Variants in MAST1 observed in about 807,000 individuals in gnomAD.
MAST1 encodes microtubule-associated serine/threonine-protein kinase 1.
A neutral mutation model predicts 124.6 loss-of-function variants in MAST1; 40 were observed. That is an observed-to-expected ratio of 0.32 (90% CI 0.25 to 0.42). The LOEUF (loss-of-function observed/expected upper bound fraction) is 0.42. Ranked by LOEUF, MAST1 falls within the 10% of genes least tolerant of loss-of-function variation. The pLI is 1.00. For missense variants in MAST1, 1,558 were observed against 2,181.9 expected, an observed-to-expected ratio of 0.71 and a Z score of 5.70; for synonymous variants, 938 against 939.4, an observed-to-expected ratio of 1.00 and a Z score of 0.03.
At position 12,847,830 on chromosome 19, in the gene MAST1, C is replaced by T; in HGVS notation, c.565-18C>T. The T allele has an allele frequency of 6.2e-7, 1 of 1,601,128 alleles. No homozygotes were observed. Among genetic ancestry groups the T allele is most frequent in the African/African-American group, 1.3e-5 (1 of 74,784 alleles). The stretch of plus-strand genomic sequence containing the variant: ...CCTTCGGGCACAGCCCCGCGCCCCT[C>T]CTCCGTCCCTCCCGCAGGCCACTGC... On this transcript the variant is annotated intron_variant, in intron 6 of 25. Coordinates refer to ENST00000251472, the MANE Select transcript of MAST1 (RefSeq NM_014975.3). The surrounding 1 kb of genome is among the most constrained non-coding windows in gnomAD (Gnocchi z 5.5).
At chr19:12,861,680 C>CTCTCTCTTTCTTTCTT (rs1970084524) in intron 12 of MAST1, among the ~76,000 whole-genome samples, 2 of 143,450 alleles carry the variant, frequency 1.4e-5, no homozygotes, top group Non-Finnish European at 3.0e-5. Context: ...TTCTTTTTCT[C>CTCTCTCTTTCTTTCTT]TCTTTCTTTC....
chr19:12,851,273 T>C (rs1969956311), intron 7 of MAST1, among the ~76,000 whole-genome samples: 1 of 150,530 alleles, frequency 6.6e-6, no homozygotes, highest in Non-Finnish European at 1.5e-5. Flanking sequence ...TTTTTCTTTT[T>C]TTTTTTTTGA....
chr19:12,852,236 A>T lies in MAST1; in HGVS notation c.998A>T (p.Asp333Val). 1 of 1,613,896 alleles carries T rather than the reference A, an allele frequency of 6.2e-7. No homozygotes were observed. The highest frequency in any genetic ancestry group is 1.1e-5 in the South Asian group (1 of 91,076). ...YIIRQLGLTR[D>V]PFPDVVHLEE... ...ATCCGCCAGCTGGGCCTCACCCGTG[A>T]CCCCTTTCCAGGTGCCGGCTGGTGG... The change falls in exon 9 of 26, where the codon GAC becomes GTC. Residue 333 changes from aspartate (D) to valine (V), a missense_variant. Physicochemically the swap from Asp to Val is radical, Grantham distance 152 (BLOSUM62 -3). Transcript: ENST00000251472.
chr19:12,849,714 C>G (rs1969938831), intron 7 of MAST1, among the ~76,000 whole-genome samples: 1 of 152,140 alleles, frequency 6.6e-6, no homozygotes, highest in Non-Finnish European at 1.5e-5. Context: ...TAGTGGCACA[C>G]ACCTGCTGTC....
At position 12,840,467 on chromosome 19, in the gene MAST1, A is replaced by G; in HGVS notation, c.105A>G (p.Lys35=). ...GCAGCTGCCGCACCAGTAATCGGAA[A>G]AGCCTCATCCTGACCAGCACTTCAC... is the stretch of plus-strand genomic sequence containing the variant. ...RTKSCRTSNR[K]SLILTSTSPT... is the part of the protein sequence containing the mutation. Residue 35 remains lysine, a synonymous_variant, in exon 2 of 26, where the codon AAA becomes AAG. Coordinates refer to ENST00000251472, the MANE Select transcript of MAST1 (RefSeq NM_014975.3). 1 of 1,613,896 alleles carries G rather than the reference A, an allele frequency of 6.2e-7. No homozygotes were observed. Among genetic ancestry groups the G allele is most frequent in the South Asian group, 1.1e-5 (1 of 91,036 alleles).
At chr19:12,840,580 T>G (rs373481830) in intron 2 of MAST1, 46 bp downstream of exon 2, 852 of 1,401,442 alleles carry the variant, frequency 6.1e-4, no homozygotes, top group Non-Finnish European at 7.9e-4. Flanking sequence ...TGGCCTACAG[T>G]AGGCGGGGCC....
intron 22 of MAST1, 142 bp from the exon 23 acceptor site, chr19:12,870,682 T>C (rs928788096): frequency 3.0e-6 from 2 of 672,812 alleles, no homozygotes; most frequent in African/African-American, 3.9e-5. Context: ...AAAAAAAATG[T>C]GGGGGGAGGA....
Position 12,873,499 on chromosome 19 carries a change from T to C in MAST1, c.3439T>C (p.Ser1147Pro). The C allele has an allele frequency of 6.2e-7, 1 of 1,603,906 alleles. No homozygotes were observed. Among genetic ancestry groups the C allele is most frequent in the South Asian group, 1.1e-5 (1 of 90,960 alleles). Residue 1147 changes from serine (S) to proline (P), a missense_variant, in exon 25 of 26, where the codon TCC (serine) becomes CCC (proline). Coordinates refer to ENST00000251472, the MANE Select transcript of MAST1 (RefSeq NM_014975.3). ...GCACAGCTACCGCTCCACGCCTGAC[T>C]CCGCCTACCTAGGTATTACCTCCTG... ...PTHSYRSTPD[S>P]AYLGASSQSS...
rs1296733667 is a variant in MAST1 at position 12,843,347 on chromosome 19, C to G, written c.249-182C>G. Among the ~76,000 whole-genome samples the G allele has an allele frequency of 6.6e-6, 1 of 152,172 alleles. No homozygotes were observed. The highest frequency in any genetic ancestry group is 2.4e-5 in the African/African-American group (1 of 41,514). On this transcript the variant is annotated intron_variant, in intron 3 of 25. Coordinates refer to ENST00000251472, the MANE Select transcript of MAST1 (RefSeq NM_014975.3). This position sits in a 1 kb window ranked among gnomAD's most constrained non-coding sequence, Gnocchi z 4.9. ...GGAGACGGATCCTCCCTCCAATTCC[C>G]GGTGCCTGCCTGGAAGAGTCCCTCT... is the stretch of plus-strand genomic sequence containing the variant.
Position 12,873,563 on chromosome 19 carries a change from T to C in MAST1, c.3452-46T>C, listed in dbSNP as rs774017693. ...ACCGAGCAGCGCGGGGTGGCCTGGC[T>C]GGTGCTTGGGCTGTACTCACTCGCT... is the stretch of plus-strand genomic sequence containing the variant. On this transcript the variant is annotated intron_variant, in intron 25 of 25. Transcript: ENST00000251472. 3.8e-6 allele frequency: 6 copies of C among 1,581,084 alleles called. No homozygotes were observed. The East Asian group carries it at 1.4e-4, about 36-fold the overall frequency.
At chr19:12,854,750 T>C (rs1970000371) in intron 10 of MAST1, among the ~76,000 whole-genome samples, 1 of 152,154 alleles carries the variant, frequency 6.6e-6, no homozygotes. Context: ...ATGTTTAACT[T>C]ATAGAGGAAT....
intron 7 of MAST1, among the ~76,000 whole-genome samples, chr19:12,850,335 T>C (rs1460559968): frequency 6.6e-6 from 1 of 152,072 alleles, no homozygotes; most frequent in East Asian, 1.9e-4. Flanking sequence ...CTGGGTAACA[T>C]AGCGAGACCC....
In MAST1 at chr19:12,847,534, A is replaced by G; in HGVS notation, c.489-78A>G. Reference sequence around the variant, plus strand: ...AGAGACCCCTGTCCCCGCGAATAAAAGGGTTACATCTTGGGGCGGGGGCTC... The same window carrying G: ...AGAGACCCCTGTCCCCGCGAATAAAGGGGTTACATCTTGGGGCGGGGGCTC... On this transcript the variant is annotated intron_variant, in intron 5 of 25. Transcript: ENST00000251472. The surrounding 1 kb of genome is among the most constrained non-coding windows in gnomAD (Gnocchi z 5.5). 6.2e-7 allele frequency: 1 copy of G among 1,610,584 alleles called. No homozygotes were observed. The highest frequency in any genetic ancestry group is 8.5e-7 in the Non-Finnish European group (1 of 1,177,814).
At chr19:12,844,272 T>G (rs1969865537) in intron 4 of MAST1, among the ~76,000 whole-genome samples, 1 of 152,212 alleles carries the variant, frequency 6.6e-6, no homozygotes, top group Non-Finnish European at 1.5e-5. Context: ...GCTCACCCCT[T>G]GGAACACCCA....
At chr19:12,845,218 G>A (rs1969877357) in intron 4 of MAST1, among the ~76,000 whole-genome samples, 1 of 150,934 alleles carries the variant, frequency 6.6e-6, no homozygotes, top group Non-Finnish European at 1.5e-5. Flanking sequence ...AGGGAGAATT[G>A]CTTGAACCTG....
rs80012252 is a variant in MAST1, at chr19:12,849,067, T to C, written c.774+1010T>C. ...ACACTCAGCACCATCCATCATACTG[T>C]GTATTTTTGCTTATTTTATTTCATG... On this transcript the variant is annotated intron_variant, in intron 7 of 25. Coordinates refer to ENST00000251472, the MANE Select transcript of MAST1 (RefSeq NM_014975.3). 154 of 152,504 alleles carry C rather than the reference T, an allele frequency of 1.0e-3. 1 individual carries two copies. The East Asian group carries it at 0.03, about 29-fold the overall frequency. 9.4% of individuals were successfully genotyped at this position (152,504 alleles called of 1,614,324 possible).
At chr19:12,864,106 T>C (rs1485532229) in intron 12 of MAST1, among the ~76,000 whole-genome samples, 1 of 151,998 alleles carries the variant, frequency 6.6e-6, no homozygotes, top group Non-Finnish European at 1.5e-5. Flanking sequence ...AGTATTCTTT[T>C]TTCAGAGATG....
At chr19:12,842,706 T>A (rs1270880755) in intron 3 of MAST1, among the ~76,000 whole-genome samples, 2 of 152,286 alleles carry the variant, frequency 1.3e-5, no homozygotes, top group South Asian at 4.1e-4. Context: ...CGTGCGAGTG[T>A]GAATGAGTGT....
At chr19:12,870,663 C>CA (rs35890154) in intron 22 of MAST1, among the ~76,000 whole-genome samples, 161 bp from the exon 23 acceptor site, 82,941 of 128,692 alleles carry the variant, frequency 0.64, 25,952 homozygotes, top group East Asian at 0.76. Context: ...AGACTCCGTC[C>CA]AAAAAAAAAA....
Sources: gnomAD v4.1 joint callset for allele counts (sites outside exome capture counted in the v4.1 genomes callset) on GRCh38, gnomAD v4.1.1 for gene constraint, Gnocchi (gnomAD v3.1) non-coding constraint, MANE v1.5 for transcripts, NCBI Gene and HGNC (gene_info 2026-07-23, HGNC 2026-07-21) for gene names.